The following HCRTR1 variants were observed in gnomAD, a reference collection of about 807,000 sequenced individuals.
HCRTR1 encodes the protein hypocretin receptor 1.
A neutral mutation model predicts 40.6 loss-of-function variants in HCRTR1; 28 were observed. That is an observed-to-expected ratio of 0.69 (90% CI 0.51 to 0.95). The LOEUF (loss-of-function observed/expected upper bound fraction) is 0.95, where lower values mean the gene tolerates loss of function less well. HCRTR1 is among the 40% of genes least tolerant of loss of function. HCRTR1 has a pLI of 0.00. For synonymous variants in HCRTR1, 209 were observed against 230.0 expected, an observed-to-expected ratio of 0.91 and a Z score of 0.83; for missense variants, 482 against 564.7, an observed-to-expected ratio of 0.85 and a Z score of 1.48.
chr1:31,618,039 C>T (rs1639766597), intron 1 of HCRTR1, 158 bp downstream of exon 1: 1 of 152,458 alleles, frequency 6.6e-6, no homozygotes, highest in Admixed American at 6.5e-5. Context: ...CGAGTGCCCT[C>T]GCTCCCCCGC....
At chr1:31,627,709 T>C, downstream of HCRTR1, 1 of 274,614 alleles carries the variant, frequency 3.6e-6, no homozygotes, top group South Asian at 3.5e-5. Flanking sequence ...AAGAAGGCAC[T>C]AGAATGCTCT....
chr1:31,632,457 C>G (rs143731704), downstream of HCRTR1: 1 of 1,614,214 alleles, frequency 6.2e-7, no homozygotes, highest in Non-Finnish European at 8.5e-7. Flanking sequence ...AAGAGTCTAG[C>G]TCTGTCCTGC....
In HCRTR1 at chr1:31,626,268, C is replaced by T. The variant is rs186030727; in HGVS notation, c.1088-522C>T. On this transcript the variant is annotated intron_variant, in intron 8 of 8. Transcript: ENST00000403528. This position sits in a 1 kb window ranked among gnomAD's most constrained non-coding sequence, Gnocchi z 4.6. ...CAGCTTCTGGCTGGGTGGACTTGGG[C>T]AAGCCACTGTACCTCTGTGCATCTC... 1.3e-5 allele frequency among the ~76,000 whole-genome samples: 2 copies of T among 152,196 alleles called. No individual in the cohort carries two copies. The highest frequency in any genetic ancestry group is 3.8e-4 in the East Asian group (2 of 5,200).
Position 31,621,087 on chromosome 1 carries a change from G to A in HCRTR1, c.622+1G>A, listed in dbSNP as rs1215726776. On this transcript the variant is annotated splice_donor_variant, in intron 5 of 8. Transcript: ENST00000403528. LOFTEE classifies it high-confidence loss of function. ...TCAGTCTGTGATGAACGCTGGGCAG[G>A]TAATGGTGGAAGCCTCAAGCAGGCA... is the stretch of plus-strand genomic sequence containing the variant. 6.2e-7 allele frequency: 1 copy of A among 1,600,614 alleles called. No individual in the cohort carries two copies. Among genetic ancestry groups the A allele is most frequent in the Non-Finnish European group, 8.5e-7 (1 of 1,176,538 alleles).
intron 5 of HCRTR1, 106 bp from the exon 6 acceptor site, chr1:31,621,371 C>A: frequency 1.1e-6 from 1 of 926,080 alleles, no homozygotes; most frequent in Non-Finnish European, 1.8e-6. Flanking sequence ...GGTCCAGCTG[C>A]TCCTAGGCCT....
At position 31,627,388 on chromosome 1, in the gene HCRTR1, A is replaced by C. The variant is rs780328008; in HGVS notation, c.*408A>C. The C allele has an allele frequency of 4.3e-5, 55 of 1,284,198 alleles. No individual in the cohort carries two copies. In the South Asian group the frequency reaches 6.1e-4, roughly 14 times the overall value. The allele number at this position is 1,284,198 out of a possible 1,614,324, so 79.6% of individuals were successfully genotyped here. On this transcript the variant is annotated 3_prime_UTR_variant, in exon 9 of 9. Coordinates refer to ENST00000403528, the MANE Select transcript of HCRTR1 (RefSeq NM_001525.3). ...TCCATCTTGTTCCATGGCTCCCTGA[A>C]GCCCAGGGCTGCACTTGGCCAGCTG...
At chr1:31,630,853 G>A, downstream of HCRTR1, 1 of 1,592,564 alleles carries the variant, frequency 6.3e-7, no homozygotes, top group South Asian at 1.1e-5. Flanking sequence ...CTGGAGAAGA[G>A]GGGCACACAG....
Position 31,619,129 on chromosome 1 carries a change from C to A in HCRTR1, c.-64C>A. 1 of 1,465,506 alleles carries A rather than the reference C, an allele frequency of 6.8e-7. No individual in the cohort carries two copies. The highest frequency in any genetic ancestry group is 9.3e-7 in the Non-Finnish European group (1 of 1,074,450). The allele number at this position is 1,465,506 out of a possible 1,614,324, so 90.8% of individuals were successfully genotyped here. A position where few individuals can be genotyped will look rare whatever the true frequency, so the allele number is the denominator to read the frequency against. On this transcript the variant is annotated 5_prime_UTR_variant, in exon 3 of 9. Coordinates refer to ENST00000403528, the MANE Select transcript of HCRTR1 (RefSeq NM_001525.3). ...GAAGGGAGTGGGCTGAGGGCTGGCC[C>A]AAGCTCCCTCCTCTCCCTCTGTAGA...
chr1:31,619,776 T>C lies in HCRTR1; in HGVS notation c.378+66T>C, dbSNP rs777223727. On this transcript the variant is annotated intron_variant, in intron 4 of 8. Transcript: ENST00000403528. ...CCTGTAAAAAACCCACGGCCTTGCATAGGTCTCAGTGACCCCCAGACTTGC... is the reference window on the plus strand; with the variant it reads ...CCTGTAAAAAACCCACGGCCTTGCACAGGTCTCAGTGACCCCCAGACTTGC... The C allele has an allele frequency of 7.0e-6, 10 of 1,432,884 alleles. No homozygotes were observed. In the African/African-American group the frequency reaches 1.3e-4, roughly 18 times the overall value. The allele number at this position is 1,432,884 out of a possible 1,614,324, so 88.8% of individuals were successfully genotyped here.
rs201393960 is a variant in HCRTR1 at position 31,625,080 on chromosome 1, A to G, written c.1049A>G (p.Asn350Ser). The G allele has an allele frequency of 2.0e-5, 33 of 1,612,496 alleles. No individual in the cohort carries two copies. Among genetic ancestry groups the G allele is most frequent in the Middle Eastern group, 1.6e-4 (1 of 6,076 alleles). The change falls in exon 8 of 9, where the codon AAC (asparagine) becomes AGC (serine). Residue 350 changes from asparagine (N) to serine (S), a missense_variant. By Grantham distance (46) the Asn-to-Ser change is conservative. Transcript: ENST00000403528. The surrounding 1 kb of genome is among the most constrained non-coding windows in gnomAD (Gnocchi z 4.2). Reference protein sequence around the residue: ...FTFSHWLVYANSAANPIIYNF... With the variant: ...FTFSHWLVYASSAANPIIYNF... ...TTCTCCCACTGGCTGGTGTACGCCA[A>G]CAGCGCTGCCAACCCCATCATCTAC... is the stretch of plus-strand genomic sequence containing the variant.
downstream of HCRTR1, among the ~76,000 whole-genome samples, chr1:31,629,331 A>T (rs1364403335): frequency 1.3e-5 from 2 of 152,232 alleles, no homozygotes; most frequent in African/African-American, 2.4e-5. Flanking sequence ...GCCAAAAGAT[A>T]ATCACCATTA....
In HCRTR1 at chr1:31,627,211, T is replaced by C; in HGVS notation, c.*231T>C. The stretch of plus-strand genomic sequence containing the variant: ...TGTAAACTGTGAAGTGTTGTGGACA[T>C]GATTATTGTTGTACTTCTCTCATTT... On this transcript the variant is annotated 3_prime_UTR_variant, in exon 9 of 9. Coordinates refer to ENST00000403528, the MANE Select transcript of HCRTR1 (RefSeq NM_001525.3). 1.3e-6 allele frequency: 2 copies of C among 1,497,554 alleles called. No individual in the cohort carries two copies. Among genetic ancestry groups the C allele is most frequent in the Non-Finnish European group, 1.8e-6 (2 of 1,122,108 alleles). 92.8% of individuals were successfully genotyped at this position (1,497,554 alleles called of 1,614,324 possible).
intron 4 of HCRTR1, among the ~76,000 whole-genome samples, chr1:31,620,584 C>G (rs1639831617): frequency 6.6e-6 from 1 of 152,206 alleles, no homozygotes; most frequent in Non-Finnish European, 1.5e-5. Context: ...GTGCACCTAC[C>G]ATGTGCCAGG....
chr1:31,627,475 C>T lies in HCRTR1; in HGVS notation c.*495C>T. ...TTCTCCAGCGGGCCACGAGCACAGC[C>T]CCACCCTAACCAGGTGCCAAGGGCA... is the stretch of plus-strand genomic sequence containing the variant. On this transcript the variant is annotated 3_prime_UTR_variant, in exon 9 of 9. Coordinates refer to ENST00000403528, the MANE Select transcript of HCRTR1 (RefSeq NM_001525.3). 1.4e-6 allele frequency: 1 copy of T among 720,442 alleles called. No homozygotes were observed. Among genetic ancestry groups the T allele is most frequent in the Non-Finnish European group, 2.1e-6 (1 of 475,282 alleles). 44.6% of individuals were successfully genotyped at this position (720,442 alleles called of 1,614,324 possible). A position where few individuals can be genotyped will look rare whatever the true frequency, so the allele number is the denominator to read the frequency against.
intron 7 of HCRTR1, 27 bp downstream of exon 7, chr1:31,623,776 G>C: frequency 6.3e-7 from 1 of 1,577,968 alleles, no homozygotes; most frequent in Middle Eastern, 1.7e-4. Context: ...TGGTTGGGGT[G>C]GGGAGAAGTT....
At position 31,619,677 on chromosome 1, in the gene HCRTR1, C is replaced by T. The variant is rs1343973386; in HGVS notation, c.345C>T (p.Gly115=). 4 of 1,610,912 alleles carry T rather than the reference C, an allele frequency of 2.5e-6. No individual in the cohort carries two copies. The highest frequency in any genetic ancestry group is 3.4e-6 in the Non-Finnish European group (4 of 1,178,316). ...LVDITESWLF[G]HALCKVIPYL... The stretch of plus-strand genomic sequence containing the variant: ...ACATCACTGAGTCCTGGCTGTTCGG[C>T]CATGCCCTCTGCAAGGTCATCCCCT... The change falls in exon 4 of 9, where the codon GGC becomes GGT. Residue 115 remains glycine, a synonymous_variant. Coordinates refer to ENST00000403528, the MANE Select transcript of HCRTR1 (RefSeq NM_001525.3).
intron 6 of HCRTR1, among the ~76,000 whole-genome samples, chr1:31,621,814 T>C (rs892543881): frequency 2.6e-5 from 4 of 152,204 alleles, no homozygotes; most frequent in African/African-American, 9.7e-5. Context: ...GTGGTTGGCG[T>C]TTATTGAAGT....
downstream of HCRTR1, chr1:31,632,774 A>C: frequency 9.6e-7 from 1 of 1,040,704 alleles, no homozygotes; most frequent in African/African-American, 1.6e-5. Context: ...TGAGGCCCAG[A>C]TGCCTGCACC....
intron 3 of HCRTR1, 51 bp from the exon 4 acceptor site, chr1:31,619,481 A>G (rs1239160126): frequency 5.6e-6 from 9 of 1,612,720 alleles, no homozygotes; most frequent in Non-Finnish European, 7.6e-6. Flanking sequence ...ATTAGGCAGA[A>G]CTAGGATGGG....
Sources: gnomAD v4.1 joint callset for allele counts (sites outside exome capture counted in the v4.1 genomes callset) on GRCh38, gnomAD v4.1.1 for gene constraint, Gnocchi (gnomAD v3.1) non-coding constraint, MANE v1.5 for transcripts, NCBI Gene and HGNC (gene_info 2026-07-23, HGNC 2026-07-21) for gene names.